Variants in MAML2 observed in about 807,000 individuals in gnomAD.
The protein encoded by MAML2 is mastermind like transcriptional coactivator 2.
In MAML2, 22 loss-of-function variants were observed where a neutral mutation model predicts 96.1. That is an observed-to-expected ratio of 0.23 (90% confidence interval 0.16 to 0.33). The LOEUF is 0.33. Among genes scored for constraint, MAML2 ranks in the 10% least tolerant of loss-of-function variants. The pLI, the probability that MAML2 is intolerant of heterozygous loss-of-function variation, is 1.00. For synonymous variants in MAML2, 561 were observed against 521.3 expected (o/e 1.08, Z -1.04); for missense variants, 1,367 against 1,392.4 (o/e 0.98, Z 0.29).
chr11:96,107,696 G>A (rs2135828524), intron 1 of MAML2, among the ~76,000 whole-genome samples: 1 of 152,302 alleles, frequency 6.6e-6, no homozygotes, highest in East Asian at 1.9e-4. Flanking sequence ...CAACCTCCAG[G>A]GAGGAGAGAG....
chr11:96,041,132 A>T (rs534172774), intron 2 of MAML2, among the ~76,000 whole-genome samples: 2 of 152,180 alleles, frequency 1.3e-5, no homozygotes, highest in South Asian at 4.1e-4. Context: ...AACATTCTGA[A>T]CACATGGATT....
chr11:96,017,857 C>T (rs568194256), intron 2 of MAML2, among the ~76,000 whole-genome samples: 24 of 152,210 alleles, frequency 1.6e-4, no homozygotes, highest in African/African-American at 3.6e-4. Context: ...GAGACATGGT[C>T]CTGTGGGGCT....
chr11:96,155,550 A>ATATATG (rs1860999536), intron 1 of MAML2, among the ~76,000 whole-genome samples: 1 of 128,320 alleles, frequency 7.8e-6, no homozygotes, highest in Non-Finnish European at 1.6e-5. Flanking sequence ...ATATATATAT[A>ATATATG]TGAGGAAAGT....
At chr11:96,259,746 G>A (rs1419659073) in intron 1 of MAML2, among the ~76,000 whole-genome samples, 1 of 152,216 alleles carries the variant, frequency 6.6e-6, no homozygotes, top group East Asian at 1.9e-4. Context: ...GCAGGGAATT[G>A]TCATAAAACC....
chr11:96,200,646 A>C (rs547815697), intron 1 of MAML2, among the ~76,000 whole-genome samples: 1 of 152,282 alleles, frequency 6.6e-6, no homozygotes, highest in East Asian at 1.9e-4. Context: ...TCAATCCACC[A>C]TGTCTTCCTG....
rs557578637 is a variant in MAML2 at position 96,084,972 on chromosome 11, C to T, written c.2139+6920G>A. Among the ~76,000 whole-genome samples, 17 of 152,338 alleles carry T rather than the reference C, an allele frequency of 1.1e-4. No individual in the cohort carries two copies. The East Asian group carries it at 3.3e-3, about 29-fold the overall frequency. On this transcript the variant is annotated intron_variant, in intron 2 of 4. Transcript: ENST00000524717. ...AACAGGTCAACCACCCCTGTTCTTT[C>T]ATCATCGAGGATCTTGAAAACTTGA...
chr11:96,160,559 C>A lies in MAML2; in HGVS notation c.514-67042G>T, dbSNP rs560994784. The stretch of plus-strand genomic sequence containing the variant: ...TCTCCTGCCTCAGCCTCCTGAGTAG[C>A]TGGGATTACAGGCGCCTGCCACTAT... On this transcript the variant is annotated intron_variant, in intron 1 of 4. Coordinates refer to ENST00000524717, the MANE Select transcript of MAML2 (RefSeq NM_032427.4). 3.3e-5 allele frequency among the ~76,000 whole-genome samples: 5 copies of A among 151,956 alleles called. No homozygotes were observed. The South Asian group carries it at 8.3e-4, about 25-fold the overall frequency.
At chr11:96,233,677 G>A (rs1862328239) in intron 1 of MAML2, among the ~76,000 whole-genome samples, 1 of 152,094 alleles carries the variant, frequency 6.6e-6, no homozygotes, top group African/African-American at 2.4e-5. Context: ...CTAAAGTGCT[G>A]GGATTACAGG....
chr11:96,221,822 G>A (rs192532632), intron 1 of MAML2, among the ~76,000 whole-genome samples: 2 of 151,652 alleles, frequency 1.3e-5, no homozygotes, highest in African/African-American at 4.8e-5. Context: ...TGGCAGATGT[G>A]AGCAGAAGAA....
At chr11:96,201,498 A>G (rs1157826556) in intron 1 of MAML2, among the ~76,000 whole-genome samples, 3 of 152,244 alleles carry the variant, frequency 2.0e-5, no homozygotes, top group Non-Finnish European at 4.4e-5. Context: ...TTCCACATGA[A>G]TGGCTTATAT....
chr11:96,193,303 AG>A (rs1861682596), intron 1 of MAML2, among the ~76,000 whole-genome samples: 1 of 152,204 alleles, frequency 6.6e-6, no homozygotes, highest in Non-Finnish European at 1.5e-5. Context: ...CGGGAGGCGG[AG>A]GTTGCAGTGA....
At chr11:96,184,659 G>C (rs1183653022) in intron 1 of MAML2, among the ~76,000 whole-genome samples, 1 of 149,320 alleles carries the variant, frequency 6.7e-6, no homozygotes, top group East Asian at 2.0e-4. Flanking sequence ...GCGCTGTCTG[G>C]GCTCACTGCT....
chr11:96,114,948 T>C (rs1860208557), intron 1 of MAML2, among the ~76,000 whole-genome samples: 2 of 152,104 alleles, frequency 1.3e-5, no homozygotes. Flanking sequence ...AGATCTCTAG[T>C]GAGGCAGAGG....
chr11:96,281,837 T>C (rs1591111849), intron 1 of MAML2, among the ~76,000 whole-genome samples: 1 of 151,958 alleles, frequency 6.6e-6, no homozygotes, highest in East Asian at 1.9e-4. Flanking sequence ...GCCACTGTAC[T>C]CCAGCGTGGG....
intron 1 of MAML2, among the ~76,000 whole-genome samples, chr11:96,097,807 G>A (rs1671287248): frequency 6.6e-6 from 1 of 152,120 alleles, no homozygotes. Context: ...TTCTAGGCAG[G>A]CACTCTGTGG....
intron 3 of MAML2, among the ~76,000 whole-genome samples, chr11:95,988,449 G>T (rs969061444): frequency 7.0e-6 from 1 of 142,112 alleles, no homozygotes; most frequent in Non-Finnish European, 1.5e-5. Flanking sequence ...TAGTAGAGAC[G>T]GAGTTTTACC....
At chr11:96,115,275 T>A (rs965810207) in intron 1 of MAML2, among the ~76,000 whole-genome samples, 1 of 151,954 alleles carries the variant, frequency 6.6e-6, no homozygotes, top group Non-Finnish European at 1.5e-5. Flanking sequence ...GAGATCCTCC[T>A]GTTTTAGCCT....
intron 1 of MAML2, among the ~76,000 whole-genome samples, chr11:96,221,445 T>C (rs987880699): frequency 6.6e-6 from 1 of 152,158 alleles, no homozygotes; most frequent in African/African-American, 2.4e-5. Context: ...GTATCCCCTG[T>C]CATTTTGGGA....
intron 1 of MAML2, among the ~76,000 whole-genome samples, chr11:96,228,178 G>A (rs1419936504): frequency 1.3e-5 from 2 of 152,140 alleles, no homozygotes; most frequent in East Asian, 3.9e-4. Context: ...TATCTCTGAT[G>A]AGCTTCTGGA....
Sources: allele counts gnomAD v4.1 joint callset (sites outside exome capture counted in the v4.1 genomes callset), GRCh38; gene constraint gnomAD v4.1.1; transcripts MANE v1.5; gene names NCBI Gene and HGNC (gene_info 2026-07-23, HGNC 2026-07-21).